Variants in CPNE2 observed in about 807,000 individuals in gnomAD.
CPNE2 encodes copine-2.
CPNE2 carries 42 observed loss-of-function variants against 69.7 expected under a neutral mutation model. That is an observed-to-expected ratio of 0.60 (90% confidence interval 0.47 to 0.78). The LOEUF is 0.78. CPNE2 is among the 30% of genes least tolerant of loss of function. The pLI, the probability that CPNE2 is intolerant of heterozygous loss-of-function variation, is 0.00. For synonymous variants in CPNE2, 294 were observed against 289.8 expected, an observed-to-expected ratio of 1.01 and a Z score of -0.15; for missense variants, 587 against 732.0, an observed-to-expected ratio of 0.80 and a Z score of 2.29.
chr16:57,146,412 C>A lies in CPNE2; in HGVS notation c.1539+91C>A, dbSNP rs1203941881. 8.7e-7 allele frequency: 1 copy of A among 1,150,094 alleles called. No homozygotes were observed. Among genetic ancestry groups the A allele is most frequent in the Non-Finnish European group, 1.2e-6 (1 of 810,978 alleles). The allele number at this position is 1,150,094 out of a possible 1,614,324, so 71.2% of individuals were successfully genotyped here. A position where few individuals can be genotyped will look rare whatever the true frequency, so the allele number is the denominator to read the frequency against. ...GCTTGAGAGTCTTGGGGTTGTCTGG[C>A]CCAATCCTAGACTTCTCCACTCCAT... On this transcript the variant is annotated intron_variant, in intron 15 of 15. Coordinates refer to ENST00000290776, the MANE Select transcript of CPNE2 (RefSeq NM_152727.6). The surrounding 1 kb of genome is among the most constrained non-coding windows in gnomAD (Gnocchi z 4.4).
chr16:57,120,976 T>A lies in CPNE2; in HGVS notation c.682-117T>A, dbSNP rs972233249. 11 of 664,164 alleles carry A rather than the reference T, an allele frequency of 1.7e-5. No individual in the cohort carries two copies. In the African/African-American group the frequency reaches 2.0e-4, roughly 12 times the overall value. 41.1% of individuals were successfully genotyped at this position (664,164 alleles called of 1,614,324 possible). On this transcript the variant is annotated intron_variant, in intron 7 of 15. Coordinates refer to ENST00000290776, the MANE Select transcript of CPNE2 (RefSeq NM_152727.6). The stretch of plus-strand genomic sequence containing the variant: ...GAGCTATCCAGGCCAGCTAGGCAGA[T>A]GCTGAGGAGAGGCACTACCCAAACA...
intron 12 of CPNE2, 150 bp downstream of exon 12, chr16:57,128,053 T>C: frequency 2.6e-6 from 2 of 777,250 alleles, no homozygotes; most frequent in Non-Finnish European, 2.2e-6. Context: ...TTCTCAAGCC[T>C]GATCCTTGGG....
intron 1 of CPNE2, among the ~76,000 whole-genome samples, chr16:57,094,595 T>C (rs1315559739): frequency 6.6e-6 from 1 of 152,152 alleles, no homozygotes; most frequent in Non-Finnish European, 1.5e-5. Flanking sequence ...TCTGCAAAGG[T>C]AGGATTAAAT....
chr16:57,104,074 G>A (rs570575306), intron 1 of CPNE2, among the ~76,000 whole-genome samples: 4 of 152,180 alleles, frequency 2.6e-5, no homozygotes, highest in East Asian at 1.9e-4. Context: ...ACACCACCAC[G>A]CCCAGCTAAT....
intron 1 of CPNE2, among the ~76,000 whole-genome samples, chr16:57,098,824 G>A (rs2069594880): frequency 6.6e-6 from 1 of 152,196 alleles, no homozygotes; most frequent in Non-Finnish European, 1.5e-5. Context: ...TTAAGCTCCA[G>A]TGAGGGCGAC....
intron 11 of CPNE2, among the ~76,000 whole-genome samples, chr16:57,126,815 A>G (rs1446082480): frequency 1.3e-5 from 2 of 152,198 alleles, no homozygotes; most frequent in Non-Finnish European, 1.5e-5. Context: ...GTGGAGTCCC[A>G]GGTGTCCAGC....
chr16:57,119,731 G>T, intron 7 of CPNE2, 81 bp downstream of exon 7: 1 of 917,470 alleles, frequency 1.1e-6, no homozygotes, highest in Non-Finnish European at 1.7e-6. Context: ...GGGATGCCTT[G>T]TAGAAAGCTC....
intron 1 of CPNE2, among the ~76,000 whole-genome samples, chr16:57,109,202 C>T (rs1049706187): frequency 4.6e-5 from 7 of 152,192 alleles, no homozygotes; most frequent in South Asian, 4.1e-4. Flanking sequence ...TAGCCAGGCG[C>T]GGTGGCTCAT....
Position 57,146,103 on chromosome 16 carries a change from A to C in CPNE2, c.1321A>C (p.Ile441Leu), listed in dbSNP as rs138219814. ...RTATQYFILLIITDGVISDME... is the reference protein window; with the variant it reads ...RTATQYFILLLITDGVISDME... ...CCTGCAGCAGTACTTCATCCTCCTC[A>C]TCATCACGGACGGGGTCATCAGTGA... Residue 441 changes from isoleucine to leucine, a missense_variant, in exon 15 of 16, where the codon ATC becomes CTC. Ile to Leu is a conservative substitution (Grantham distance 5). Transcript: ENST00000290776. This position sits in a 1 kb window ranked among gnomAD's most constrained non-coding sequence, Gnocchi z 4.4. 2.0e-5 allele frequency: 32 copies of C among 1,604,096 alleles called. No homozygotes were observed. The highest frequency in any genetic ancestry group is 3.4e-5 in the South Asian group (3 of 89,130).
chr16:57,123,503 A>AC (rs748374486), intron 10 of CPNE2, 30 bp downstream of exon 10: 13 of 1,609,520 alleles, frequency 8.1e-6, no homozygotes, highest in Non-Finnish European at 1.7e-6. Flanking sequence ...CTCCCTCTGC[A>AC]CCCCCATCCC....
At chr16:57,106,063 C>CCA (rs2145240088) in intron 1 of CPNE2, 1 of 153,622 alleles carries the variant, frequency 6.5e-6, no homozygotes, top group Non-Finnish European at 1.5e-5. Context: ...GGGTCCAGTA[C>CCA]GCCTGGCTGC....
intron 1 of CPNE2, chr16:57,094,111 C>A: frequency 2.2e-6 from 1 of 456,490 alleles, no homozygotes; most frequent in Non-Finnish European, 4.4e-6. Flanking sequence ...AGGACCGCCC[C>A]AGCCAGCTGG....
At chr16:57,125,621 C>G (rs1335055742) in intron 10 of CPNE2, 10 of 558,920 alleles carry the variant, frequency 1.8e-5, no homozygotes, top group Non-Finnish European at 3.2e-5. Flanking sequence ...ACGTTAGTCT[C>G]TTATGTCATC....
rs778811777 is a variant in CPNE2, at chr16:57,123,425, C to G, written c.879C>G (p.Asp293Glu). 1 of 1,613,184 alleles carries G rather than the reference C, an allele frequency of 6.2e-7. No homozygotes were observed. The highest frequency in any genetic ancestry group is 8.5e-7 in the Non-Finnish European group (1 of 1,180,034). ...CCGCTTTCTTCCAGATAAACCGAGA[C>G]TACTCCTTCCTTGACTACATCCTGG... ...IILRSCKINR[D>E]YSFLDYILGG... Residue 293 changes from aspartate to glutamate, a missense_variant, in exon 10 of 16, where the codon GAC becomes GAG. Physicochemically the swap from Asp to Glu is conservative, Grantham distance 45. Coordinates refer to ENST00000290776, the MANE Select transcript of CPNE2 (RefSeq NM_152727.6).
intron 2 of CPNE2, among the ~76,000 whole-genome samples, 195 bp downstream of exon 2, chr16:57,111,117 T>C (rs575201612): frequency 6.6e-6 from 1 of 152,054 alleles, no homozygotes; most frequent in East Asian, 1.9e-4. Context: ...TTACTTTGTG[T>C]TTAAATTATT....
At chr16:57,123,302 CT>C in intron 9 of CPNE2, 111 bp from the exon 10 acceptor site, 34 of 1,102,022 alleles carry the variant, frequency 3.1e-5, no homozygotes, top group Non-Finnish European at 4.0e-5. Flanking sequence ...GGCCCATCAG[CT>C]TTTTTTGACC....
chr16:57,116,216 T>G (rs1567667867), intron 4 of CPNE2, among the ~76,000 whole-genome samples: 1 of 152,208 alleles, frequency 6.6e-6, no homozygotes, highest in Non-Finnish European at 1.5e-5. Flanking sequence ...AGACCCTGCC[T>G]GGCTCTCCTG....
chr16:57,145,680 T>C (rs533434980), intron 14 of CPNE2: 1 of 228,762 alleles, frequency 4.4e-6, no homozygotes, highest in South Asian at 5.3e-5. Context: ...CACTGCCACG[T>C]CAGGCACATT....
rs1167583688 is a variant in CPNE2 at position 57,119,560 on chromosome 16, G to A, written c.592-1G>A. The A allele has an allele frequency of 6.2e-7, 1 of 1,611,766 alleles. No homozygotes were observed. The highest frequency in any genetic ancestry group is 1.3e-5 in the African/African-American group (1 of 75,032). On this transcript the variant is annotated splice_acceptor_variant, in intron 6 of 15. Coordinates refer to ENST00000290776, the MANE Select transcript of CPNE2 (RefSeq NM_152727.6). LOFTEE classifies it high-confidence loss of function. ...TCACAGCATCCCTCTCTGTCCCACA[G>A]GTGATCAAGTACACACTGGACCCTG...
Sources: gnomAD v4.1 joint callset for allele counts (sites outside exome capture counted in the v4.1 genomes callset) on GRCh38, gnomAD v4.1.1 for gene constraint, Gnocchi (gnomAD v3.1) non-coding constraint, MANE v1.5 for transcripts, NCBI Gene and HGNC (gene_info 2026-07-23, HGNC 2026-07-21) for gene names.